The following HS3ST4 variants were observed in gnomAD, a reference collection of about 807,000 sequenced individuals.
HS3ST4 encodes heparan sulfate-glucosamine 3-sulfotransferase 4.
HS3ST4 carries 17 observed loss-of-function variants against 29.2 expected under a neutral mutation model. The observed-to-expected ratio is 0.58, with a 90% CI of 0.40 to 0.87. HS3ST4 has a LOEUF of 0.87. Among genes scored for constraint, HS3ST4 ranks in the 40% least tolerant of loss-of-function variants. HS3ST4 has a pLI of 0.00. For synonymous variants in HS3ST4, 314 were observed against 285.7 expected (o/e 1.10, Z -1.00); for missense variants, 627 against 634.5 (o/e 0.99, Z 0.13).
At chr16:25,903,394 TCA>T (rs1029659535) in intron 1 of HS3ST4, among the ~76,000 whole-genome samples, 2 of 94,550 alleles carry the variant, frequency 2.1e-5, no homozygotes, top group Non-Finnish European at 4.7e-5. Flanking sequence ...AAATCACATA[TCA>T]CACACACACA....
At chr16:25,950,136 A>G (rs557745630) in intron 1 of HS3ST4, among the ~76,000 whole-genome samples, 6 of 152,118 alleles carry the variant, frequency 3.9e-5, no homozygotes, top group Non-Finnish European at 7.4e-5. Flanking sequence ...GGCATCAGTG[A>G]GGGCGGTGGG....
chr16:25,827,533 C>CAA (rs11371550), intron 1 of HS3ST4, among the ~76,000 whole-genome samples: 24,131 of 135,976 alleles, frequency 0.18, 2,429 homozygotes, highest in Non-Finnish European at 0.24. Flanking sequence ...GCTGTCTTCA[C>CAA]AAAAAAAAAA....
At chr16:25,844,348 C>T (rs558354666) in intron 1 of HS3ST4, among the ~76,000 whole-genome samples, 1 of 152,294 alleles carries the variant, frequency 6.6e-6, no homozygotes, top group South Asian at 2.1e-4. Context: ...TCCAGGGATT[C>T]TTTACTGAGT....
At position 25,819,734 on chromosome 16, in the gene HS3ST4, G is replaced by A. The variant is rs61186215; in HGVS notation, c.734+126583G>A. Among the ~76,000 whole-genome samples the A allele has an allele frequency of 2.9e-3, 435 of 152,194 alleles. 6 individuals carry two copies. Among genetic ancestry groups the A allele is most frequent in the African/African-American group, 0.01 (416 of 41,520 alleles). ...TGTCTGTCTGTTGGAGAATAGACAG[G>A]CTGAGGGATTTGACATTCATTGGCC... On this transcript the variant is annotated intron_variant, in intron 1 of 1. Transcript: ENST00000331351.
intron 1 of HS3ST4, among the ~76,000 whole-genome samples, chr16:25,972,939 A>G (rs1968911364): frequency 6.6e-6 from 1 of 152,146 alleles, no homozygotes; most frequent in Non-Finnish European, 1.5e-5. Flanking sequence ...TATTTATGCC[A>G]TTTTTCCCAG....
intron 1 of HS3ST4, among the ~76,000 whole-genome samples, chr16:25,743,605 A>C (rs1006194770): frequency 3.9e-5 from 6 of 152,092 alleles, no homozygotes; most frequent in Non-Finnish European, 5.9e-5. Context: ...TCCCGGATTC[A>C]AGTGATTCTT....
chr16:25,752,995 A>C (rs1422414231), intron 1 of HS3ST4, among the ~76,000 whole-genome samples: 8 of 152,244 alleles, frequency 5.3e-5, no homozygotes, highest in Admixed American at 2.0e-4. Context: ...CCATGTTGGC[A>C]TATGTTGGAC....
chr16:25,713,329 A>G (rs142663392), intron 1 of HS3ST4, among the ~76,000 whole-genome samples: 1 of 151,914 alleles, frequency 6.6e-6, no homozygotes, highest in Admixed American at 6.6e-5. Flanking sequence ...GGAGTTTGAG[A>G]CCAGCCTGGG....
At position 26,136,408 on chromosome 16, in the gene HS3ST4, A is replaced by G. The variant is rs769084028; in HGVS notation, c.*160A>G. On this transcript the variant is annotated 3_prime_UTR_variant, in exon 2 of 2. Transcript: ENST00000331351. ...GCCTCCAGTGCTGTTAGCTTAGGCA[A>G]ACAGGTGGATCCCATGGCATCCCCA... 1.4e-6 allele frequency: 1 copy of G among 691,798 alleles called. No individual in the cohort carries two copies. Among genetic ancestry groups the G allele is most frequent in the Non-Finnish European group, 2.4e-6 (1 of 421,398 alleles). The allele number at this position is 691,798 out of a possible 1,614,324, so 42.9% of individuals were successfully genotyped here.
intron 1 of HS3ST4, among the ~76,000 whole-genome samples, chr16:25,789,362 C>T (rs11640242): frequency 0.69 from 100,555 of 146,224 alleles, 35,179 homozygotes; most frequent in South Asian, 0.79. Context: ...CTTTCCTTTC[C>T]CTCTCTCTCT....
chr16:25,867,038 G>A (rs1412204602), intron 1 of HS3ST4, among the ~76,000 whole-genome samples: 1 of 152,146 alleles, frequency 6.6e-6, no homozygotes, highest in African/African-American at 2.4e-5. Context: ...AAGGAAGGGT[G>A]GGCCTGAATC....
At chr16:25,789,455 C>CT (rs1966864042) in intron 1 of HS3ST4, among the ~76,000 whole-genome samples, 8 of 31,888 alleles carry the variant, frequency 2.5e-4, no homozygotes, top group Non-Finnish European at 4.4e-4. Context: ...TCCTTCCTTC[C>CT]TTCCTTCCTT....
intron 1 of HS3ST4, among the ~76,000 whole-genome samples, chr16:25,961,492 T>TA (rs1968792495): frequency 6.6e-6 from 1 of 152,238 alleles, no homozygotes; most frequent in African/African-American, 2.4e-5. Flanking sequence ...ATTGAGCACT[T>TA]ACTTGGTGCC....
chr16:25,710,518 A>G (rs1215046834), intron 1 of HS3ST4, among the ~76,000 whole-genome samples: 1 of 74,536 alleles, frequency 1.3e-5, no homozygotes, highest in Non-Finnish European at 3.5e-5. Context: ...CTGGCTGTGG[A>G]GCAGGTTGGA....
At chr16:25,967,513 C>T (rs555985447) in intron 1 of HS3ST4, among the ~76,000 whole-genome samples, 1 of 152,262 alleles carries the variant, frequency 6.6e-6, no homozygotes, top group Non-Finnish European at 1.5e-5. Context: ...ATAAATCATG[C>T]AATGTTCTAG....
intron 1 of HS3ST4, among the ~76,000 whole-genome samples, chr16:26,063,522 A>G (rs1309834268): frequency 2.0e-5 from 3 of 151,698 alleles, no homozygotes; most frequent in African/African-American, 7.3e-5. Context: ...ACTGAAAAAA[A>G]AAAAAAAGAA....
intron 1 of HS3ST4, among the ~76,000 whole-genome samples, chr16:25,797,313 G>T (rs1966892109): frequency 1.3e-5 from 2 of 152,150 alleles, no homozygotes; most frequent in African/African-American, 4.8e-5. Context: ...GGATGATTAG[G>T]TATTTGAACT....
chr16:25,724,338 A>G (rs1017881775), intron 1 of HS3ST4, among the ~76,000 whole-genome samples: 2 of 150,546 alleles, frequency 1.3e-5, no homozygotes, highest in Admixed American at 6.7e-5. Flanking sequence ...ACTAATGACT[A>G]TGTTTCCATA....
chr16:25,692,775 G>A lies in HS3ST4; in HGVS notation c.358G>A (p.Ala120Thr), dbSNP rs757020908. The change falls in exon 1 of 2, where the codon GCC (alanine) becomes ACC (threonine). Residue 120 changes from alanine (A) to threonine (T), a missense_variant. Ala to Thr is a moderately conservative substitution (Grantham distance 58). This residue lies in a region of HS3ST4 where 402 missense variants were observed against 340.8 expected (regional missense o/e 1.18). Transcript: ENST00000331351. ...EPPEPPEQPAAPGTDGWGLPS... is the reference protein window; with the variant it reads ...EPPEPPEQPATPGTDGWGLPS... The stretch of plus-strand genomic sequence containing the variant: ...GCCCGAGCCCCCAGAGCAGCCAGCC[G>A]CCCCCGGGACCGACGGCTGGGGGCT... 30 of 1,341,992 alleles carry A rather than the reference G, an allele frequency of 2.2e-5. No homozygotes were observed. In the South Asian group the frequency reaches 6.1e-4, roughly 27 times the overall value. The allele number at this position is 1,341,992 out of a possible 1,614,324, so 83.1% of individuals were successfully genotyped here. A position where few individuals can be genotyped will look rare whatever the true frequency, so the allele number is the denominator to read the frequency against.
Sources: allele counts gnomAD v4.1 joint callset (sites outside exome capture counted in the v4.1 genomes callset), GRCh38; gene constraint gnomAD v4.1.1; regional missense constraint gnomAD v4.1.1; transcripts MANE v1.5; gene names NCBI Gene and HGNC (gene_info 2026-07-23, HGNC 2026-07-21).